Variants in ZNF892 observed in about 807,000 individuals in gnomAD.
The protein encoded by ZNF892 is zinc finger protein 892.
the ZNF892 span, among the ~76,000 whole-genome samples, chr2:95,218,165 G>A: frequency 6.6e-6 from 1 of 152,150 alleles, no homozygotes; most frequent in African/African-American, 2.4e-5. Context: ...TGGTTGTTAA[G>A]CCACACTCTT....
At chr2:95,249,809 G>A in the ZNF892 span, among the ~76,000 whole-genome samples, 6 of 152,040 alleles carry the variant, frequency 3.9e-5, no homozygotes, top group African/African-American at 1.2e-4. Flanking sequence ...ACTTAAACAC[G>A]CGTAATAGTG....
the ZNF892 span, among the ~76,000 whole-genome samples, chr2:95,213,630 T>A: frequency 6.6e-6 from 1 of 152,206 alleles, no homozygotes; most frequent in Non-Finnish European, 1.5e-5. Context: ...TTTTACTCTT[T>A]CCAGTTTGCT....
chr2:95,230,671 C>T, the ZNF892 span, among the ~76,000 whole-genome samples: 5 of 152,174 alleles, frequency 3.3e-5, no homozygotes, highest in South Asian at 4.1e-4. Context: ...TCCCTGCTTC[C>T]GATGGGATGG....
At chr2:95,207,574 C>T in the ZNF892 span, 340 of 381,372 alleles carry the variant, frequency 8.9e-4, 4 homozygotes, top group East Asian at 0.013. Context: ...TGTTAGATGC[C>T]TTTGTCGTCG....
the ZNF892 span, among the ~76,000 whole-genome samples, chr2:95,258,100 A>C: frequency 6.6e-6 from 1 of 152,086 alleles, no homozygotes; most frequent in African/African-American, 2.4e-5. Context: ...AACAATCCCC[A>C]GTGAGATGAA....
chr2:95,216,591 C>T, the ZNF892 span, among the ~76,000 whole-genome samples: 1 of 152,070 alleles, frequency 6.6e-6, no homozygotes, highest in Non-Finnish European at 1.5e-5. Context: ...TACCATTTTA[C>T]TCTTGGGTAG....
the ZNF892 span, among the ~76,000 whole-genome samples, chr2:95,221,825 A>C: frequency 6.6e-6 from 1 of 152,184 alleles, no homozygotes; most frequent in South Asian, 2.1e-4. Flanking sequence ...AATAAAATTC[A>C]CCCACTTAAA....
chr2:95,249,882 T>C, the ZNF892 span, among the ~76,000 whole-genome samples: 1 of 152,286 alleles, frequency 6.6e-6, no homozygotes, highest in Admixed American at 6.5e-5. Context: ...TCTTTTAACT[T>C]AGTAGAACTT....
chr2:95,220,125 T>C, the ZNF892 span, among the ~76,000 whole-genome samples: 2 of 152,118 alleles, frequency 1.3e-5, no homozygotes, highest in African/African-American at 4.8e-5. Flanking sequence ...ATCTGTCTGC[T>C]CAGTTGGTCT....
At chr2:95,257,872 A>G in the ZNF892 span, among the ~76,000 whole-genome samples, 1 of 152,180 alleles carries the variant, frequency 6.6e-6, no homozygotes, top group Non-Finnish European at 1.5e-5. Flanking sequence ...CAAGCCATGC[A>G]CGGGATATAA....
At chr2:95,221,839 G>A in the ZNF892 span, among the ~76,000 whole-genome samples, 1 of 152,170 alleles carries the variant, frequency 6.6e-6, no homozygotes, top group South Asian at 2.1e-4. Flanking sequence ...ACTTAAAGGT[G>A]TTTGCTATGT....
chr2:95,239,222 C>T, the ZNF892 span, among the ~76,000 whole-genome samples: 1 of 150,734 alleles, frequency 6.6e-6, no homozygotes, highest in African/African-American at 2.4e-5. Context: ...AAAGCCTGAA[C>T]AGACAGTTGC....
the ZNF892 span, among the ~76,000 whole-genome samples, chr2:95,234,438 A>G: frequency 1.3e-4 from 20 of 152,192 alleles, no homozygotes; most frequent in African/African-American, 4.6e-4. Flanking sequence ...CTCACCCTGG[A>G]AGAAGGAGTG....
At chr2:95,237,833 T>C in the ZNF892 span, among the ~76,000 whole-genome samples, 1 of 152,254 alleles carries the variant, frequency 6.6e-6, no homozygotes, top group Non-Finnish European at 1.5e-5. Flanking sequence ...TTGAGTGGTC[T>C]GGATAGAAGA....
At chr2:95,248,664 G>GA in the ZNF892 span, among the ~76,000 whole-genome samples, 31 of 145,474 alleles carry the variant, frequency 2.1e-4, no homozygotes, top group South Asian at 6.5e-4. Context: ...TTAACAGAGA[G>GA]AAAAAAAAAA....
the ZNF892 span, chr2:95,215,191 AG>A: frequency 2.2e-6 from 1 of 453,976 alleles, no homozygotes; most frequent in Non-Finnish European, 3.9e-6. Flanking sequence ...CATACTGGGG[AG>A]CGGCCATATG....
the ZNF892 span, chr2:95,207,508 T>G: frequency 3.4e-6 from 1 of 291,484 alleles, no homozygotes. Context: ...CCGCGGAGGA[T>G]TCTGGGAGTG....
chr2:95,223,705 A>G, the ZNF892 span, among the ~76,000 whole-genome samples: 1 of 152,180 alleles, frequency 6.6e-6, no homozygotes, highest in African/African-American at 2.4e-5. Context: ...TCCACCACAG[A>G]CTTATTGAGA....
chr2:95,211,418 G>C, the ZNF892 span, among the ~76,000 whole-genome samples: 2 of 152,200 alleles, frequency 1.3e-5, no homozygotes, highest in Non-Finnish European at 2.9e-5. Flanking sequence ...ATGCATTTCT[G>C]CTGCCTGGAG....
Sources: allele counts gnomAD v4.1 joint callset (sites outside exome capture counted in the v4.1 genomes callset), GRCh38; gene constraint gnomAD v4.1.1; transcripts MANE v1.5; gene names NCBI Gene and HGNC (gene_info 2026-07-23, HGNC 2026-07-21).